The following ADH4 variants were observed in gnomAD, a reference collection of about 807,000 sequenced individuals.
ADH4 encodes the protein all-trans-retinol dehydrogenase [NAD(+)] ADH4.
In ADH4, 31 loss-of-function variants were observed where a neutral mutation model predicts 35.2. The ratio of observed to expected loss-of-function variants is 0.88; its 90% CI spans 0.66 to 1.19. The LOEUF (loss-of-function observed/expected upper bound fraction) is 1.19. ADH4 is among the 50% of genes most tolerant of loss of function. The pLI, the probability that ADH4 is intolerant of heterozygous loss-of-function variation, is 0.00. For synonymous variants in ADH4, 171 were observed against 160.2 expected, an observed-to-expected ratio of 1.07 and a Z score of -0.51; for missense variants, 476 against 458.3, an observed-to-expected ratio of 1.04 and a Z score of -0.35.
intron 3 of ADH4, among the ~76,000 whole-genome samples, chr4:99,139,892 C>A (rs530097357): frequency 6.6e-6 from 1 of 152,240 alleles, no homozygotes; most frequent in South Asian, 2.1e-4. Context: ...TTCATTGACA[C>A]AAAATTTTGG....
chr4:99,127,126 A>G (rs1402129313), intron 7 of ADH4, 83 bp downstream of exon 7: 4 of 1,186,254 alleles, frequency 3.4e-6, no homozygotes. Context: ...AATTATTTTT[A>G]TTTCTTTTCA....
At chr4:99,132,552 T>A (rs1244795574) in intron 5 of ADH4, among the ~76,000 whole-genome samples, 1 of 152,150 alleles carries the variant, frequency 6.6e-6, no homozygotes, top group Non-Finnish European at 1.5e-5. Flanking sequence ...GACCGTAAAT[T>A]TTATGAAGGC....
At chr4:99,125,155 C>T (rs1465340824) in intron 8 of ADH4, among the ~76,000 whole-genome samples, 1 of 152,164 alleles carries the variant, frequency 6.6e-6, no homozygotes, top group African/African-American at 2.4e-5. Context: ...CCCCCACTTC[C>T]TTGCTTCTTT....
At chr4:99,141,504 T>C (rs1026300819) in intron 3 of ADH4, 37 bp downstream of exon 3, 4 of 1,584,442 alleles carry the variant, frequency 2.5e-6, no homozygotes, top group Non-Finnish European at 3.4e-6. Flanking sequence ...TCTGAAATAT[T>C]GTGACATTTC....
Position 99,131,722 on chromosome 4 carries a change from CA to C in ADH4, c.624del (p.Val209TrpfsTer6). 6.2e-7 allele frequency: 1 copy of C among 1,614,192 alleles called. No individual in the cohort carries two copies. Among genetic ancestry groups the C allele is most frequent in the Non-Finnish European group, 8.5e-7 (1 of 1,180,014 alleles). ...CAACCCATTACAGCAGAAAGACCCA[CA>C]CCTCCTAGGCCAAAGACAGCACAAG... Reference protein sequence around the residue: ...GSTCAVFGLGGVGLSAVMGCK... With the variant: ...GSTCAVFGLGXVGLSAVMGCK... On this transcript the variant is annotated frameshift_variant, in exon 6 of 9. Coordinates refer to ENST00000265512, the MANE Select transcript of ADH4 (RefSeq NM_000670.5). LOFTEE classifies it high-confidence loss of function.
intron 5 of ADH4, chr4:99,133,810 G>A (rs1471527246): frequency 6.6e-6 from 1 of 152,160 alleles, no homozygotes; most frequent in African/African-American, 2.4e-5. Flanking sequence ...CTCAAGGTAA[G>A]TTTAATACAT....
At chr4:99,135,351 C>T (rs1345786397) in intron 5 of ADH4, among the ~76,000 whole-genome samples, 1 of 152,054 alleles carries the variant, frequency 6.6e-6, no homozygotes. Context: ...TTCACTTGAG[C>T]CCAGGAGGTC....
chr4:99,144,082 T>TC, intron 1 of ADH4, 123 bp downstream of exon 1: 1 of 1,131,492 alleles, frequency 8.8e-7, no homozygotes, highest in Non-Finnish European at 1.3e-6. Flanking sequence ...TAGGGGTCAC[T>TC]CATATCCTTT....
Position 99,126,723 on chromosome 4 carries a change from CTT to C in ADH4, c.987_988del (p.Ser330CysfsTer10). 1 of 1,603,996 alleles carries C rather than the reference CTT, an allele frequency of 6.2e-7. No homozygotes were observed. The highest frequency in any genetic ancestry group is 8.5e-7 in the Non-Finnish European group (1 of 1,172,706). On this transcript the variant is annotated frameshift_variant, in exon 8 of 9. Coordinates refer to ENST00000265512, the MANE Select transcript of ADH4 (RefSeq NM_000670.5). LOFTEE classifies it high-confidence loss of function. Reference sequence around the variant, plus strand: ...GACCAGCTTTGGGATAGAATCTACACTTTTCCAACCTGTAATGTGGACAAAAT... The same window carrying C: ...GACCAGCTTTGGGATAGAATCTACACTTCCAACCTGTAATGTGGACAAAAT...
At chr4:99,128,376 C>T (rs914741735) in intron 6 of ADH4, among the ~76,000 whole-genome samples, 2 of 152,116 alleles carry the variant, frequency 1.3e-5, no homozygotes, top group African/African-American at 2.4e-5. Context: ...GTGGAGGTTG[C>T]GGTGAGCCAA....
chr4:99,124,600 C>A, intron 8 of ADH4, 134 bp from the exon 9 acceptor site: 1 of 574,650 alleles, frequency 1.7e-6, no homozygotes, highest in Non-Finnish European at 3.0e-6. Context: ...AGCCTAATTT[C>A]TTTTATCCCG....
chr4:99,138,994 A>G, intron 4 of ADH4, 67 bp downstream of exon 4: 2 of 1,206,068 alleles, frequency 1.7e-6, no homozygotes, highest in South Asian at 1.4e-5. Flanking sequence ...CCATTTAGGT[A>G]ATGTCAATAT....
chr4:99,141,005 C>T (rs1687131521), intron 3 of ADH4, among the ~76,000 whole-genome samples: 1 of 152,048 alleles, frequency 6.6e-6, no homozygotes, highest in Admixed American at 6.6e-5. Flanking sequence ...AAACATAGTA[C>T]CCGATAGTTA....
intron 2 of ADH4, 63 bp downstream of exon 2, chr4:99,142,616 G>T: frequency 9.2e-7 from 1 of 1,087,140 alleles, no homozygotes; most frequent in Non-Finnish European, 1.3e-6. Flanking sequence ...GGATTGACCT[G>T]ACAGAAGCCA....
At chr4:99,131,163 C>G (rs1729258500) in intron 6 of ADH4, among the ~76,000 whole-genome samples, 2 of 152,154 alleles carry the variant, frequency 1.3e-5, no homozygotes, top group South Asian at 4.1e-4. Context: ...TCATAGAAAA[C>G]AAAATTAGAA....
Position 99,141,581 on chromosome 4 carries a change from A to C in ADH4, c.222T>G (p.Ile74Met). ...TCACTCCTGGCCCAATACTTTCCAC[A>C]ATACCTGCAGCCTCATGGCCAACGA... ...PVIVGHEAAG[I>M]VESIGPGVTN... is the part of the protein sequence containing the mutation. Residue 74 changes from isoleucine (I) to methionine (M), a missense_variant, in exon 3 of 9, where the codon ATT becomes ATG. Physicochemically the swap from Ile to Met is conservative, Grantham distance 10. Transcript: ENST00000265512. 6.2e-7 allele frequency: 1 copy of C among 1,614,148 alleles called. No individual in the cohort carries two copies. Among genetic ancestry groups the C allele is most frequent in the Non-Finnish European group, 8.5e-7 (1 of 1,180,010 alleles).
chr4:99,138,709 C>T (rs1024967838), intron 4 of ADH4, among the ~76,000 whole-genome samples: 17 of 152,140 alleles, frequency 1.1e-4, no homozygotes, highest in African/African-American at 3.9e-4. Flanking sequence ...GCTTATTTCC[C>T]TTAACATTAT....
intron 1 of ADH4, among the ~76,000 whole-genome samples, chr4:99,143,756 A>T (rs1387191850): frequency 2.0e-5 from 3 of 152,216 alleles, no homozygotes; most frequent in Admixed American, 2.0e-4. Flanking sequence ...AAGACAAAAA[A>T]TAGAATAAGA....
chr4:99,143,373 A>C, intron 1 of ADH4: 1 of 527,202 alleles, frequency 1.9e-6, no homozygotes, highest in South Asian at 3.0e-5. Context: ...ATCATTATTA[A>C]ATTTATCTGT....
Sources: allele counts gnomAD v4.1 joint callset (sites outside exome capture counted in the v4.1 genomes callset), GRCh38; gene constraint gnomAD v4.1.1; transcripts MANE v1.5; gene names NCBI Gene and HGNC (gene_info 2026-07-23, HGNC 2026-07-21).